The following PTPRT variants were observed in gnomAD, a reference collection of about 807,000 sequenced individuals.
PTPRT encodes the protein receptor-type tyrosine-protein phosphatase T.
Under a neutral mutation model 176.8 loss-of-function variants are expected in PTPRT, and 56 were observed. The ratio of observed to expected loss-of-function variants is 0.32; its 90% CI spans 0.26 to 0.40. The LOEUF is 0.40. Ranked by LOEUF, PTPRT falls within the 10% of genes least tolerant of loss-of-function variation. The pLI, the probability that PTPRT is intolerant of heterozygous loss-of-function variation, is 1.00. For missense variants in PTPRT, 1,540 were observed against 1,908.2 expected, an observed-to-expected ratio of 0.81 and a Z score of 3.60; for synonymous variants, 783 against 739.0, an observed-to-expected ratio of 1.06 and a Z score of -0.96.
chr20:42,429,338 C>T (rs948139897), intron 9 of PTPRT, among the ~76,000 whole-genome samples: 3 of 152,028 alleles, frequency 2.0e-5, no homozygotes, highest in African/African-American at 2.4e-5. Flanking sequence ...TTGAGAGAAT[C>T]GGGGCAGAGG....
At chr20:42,710,897 C>T (rs2076134793) in intron 6 of PTPRT, among the ~76,000 whole-genome samples, 2 of 152,224 alleles carry the variant, frequency 1.3e-5, no homozygotes, top group African/African-American at 4.8e-5. Context: ...GGGAGCCCAC[C>T]CCTTGCACCA....
At chr20:42,634,779 CT>C (rs1313932360) in intron 7 of PTPRT, among the ~76,000 whole-genome samples, 2 of 152,130 alleles carry the variant, frequency 1.3e-5, no homozygotes, top group Non-Finnish European at 2.9e-5. Context: ...TATGACCAGA[CT>C]GTAAATTCAC....
At chr20:43,008,030 T>C (rs1478104705) in intron 1 of PTPRT, among the ~76,000 whole-genome samples, 2 of 152,238 alleles carry the variant, frequency 1.3e-5, no homozygotes, top group African/African-American at 4.8e-5. Context: ...TGAGGCAGAA[T>C]GCTGCAGGAG....
intron 1 of PTPRT, among the ~76,000 whole-genome samples, chr20:42,909,757 G>C (rs1343705973): frequency 2.0e-5 from 3 of 152,120 alleles, no homozygotes; most frequent in African/African-American, 7.2e-5. Context: ...GCAGGAGATG[G>C]GCTGGGCCTT....
intron 1 of PTPRT, among the ~76,000 whole-genome samples, chr20:43,188,664 C>A (rs1488159499): frequency 6.8e-6 from 1 of 146,106 alleles, no homozygotes; most frequent in East Asian, 2.0e-4. Flanking sequence ...ACACCAAAAG[C>A]AATCGGTGCT....
At chr20:42,648,279 CA>C (rs1044253001) in intron 7 of PTPRT, among the ~76,000 whole-genome samples, 22 of 152,208 alleles carry the variant, frequency 1.4e-4, no homozygotes, top group African/African-American at 4.1e-4. Context: ...TCATTAACAG[CA>C]AAAAGGGCTG....
At chr20:42,796,958 T>A (rs1265162066) in intron 2 of PTPRT, among the ~76,000 whole-genome samples, 1 of 152,250 alleles carries the variant, frequency 6.6e-6, no homozygotes, top group Non-Finnish European at 1.5e-5. Context: ...TGGCCTCATG[T>A]AATCCATGAG....
chr20:43,050,023 G>A (rs988399039), intron 1 of PTPRT, among the ~76,000 whole-genome samples: 1 of 152,196 alleles, frequency 6.6e-6, no homozygotes. Context: ...GTGTTTTATG[G>A]TGCCCATTTC....
intron 1 of PTPRT, among the ~76,000 whole-genome samples, chr20:43,036,676 C>A (rs992306847): frequency 1.3e-5 from 2 of 152,074 alleles, no homozygotes; most frequent in African/African-American, 4.8e-5. Context: ...CAATCCCACT[C>A]AAAAACCTTA....
intron 16 of PTPRT, among the ~76,000 whole-genome samples, chr20:42,166,898 G>A (rs1269930907): frequency 6.6e-6 from 1 of 151,812 alleles, no homozygotes. Flanking sequence ...TCCAGCCAGG[G>A]GTGACAGAGC....
At chr20:42,549,277 G>A (rs1036055931) in intron 7 of PTPRT, among the ~76,000 whole-genome samples, 1 of 151,840 alleles carries the variant, frequency 6.6e-6, no homozygotes, top group Non-Finnish European at 1.5e-5. Context: ...TAATCTGGAT[G>A]GAAGTTAAAA....
chr20:42,832,791 T>A (rs1231426368), intron 2 of PTPRT, among the ~76,000 whole-genome samples: 20 of 98,504 alleles, frequency 2.0e-4, no homozygotes, highest in South Asian at 6.4e-4. Flanking sequence ...AGCCAACTAA[T>A]AGGATTTGTT....
intron 7 of PTPRT, among the ~76,000 whole-genome samples, chr20:42,487,690 G>A (rs2071487472): frequency 6.6e-6 from 1 of 152,114 alleles, no homozygotes; most frequent in African/African-American, 2.4e-5. Flanking sequence ...GAAAAGGCAA[G>A]AAACAGATTC....
intron 1 of PTPRT, among the ~76,000 whole-genome samples, chr20:42,978,277 T>G (rs896259609): frequency 6.6e-6 from 1 of 152,242 alleles, no homozygotes; most frequent in African/African-American, 2.4e-5. Flanking sequence ...AATGTGATCT[T>G]TCTCTTTATC....
chr20:42,325,693 C>T (rs1426842316), intron 11 of PTPRT, among the ~76,000 whole-genome samples: 2 of 152,180 alleles, frequency 1.3e-5, no homozygotes, highest in Non-Finnish European at 1.5e-5. Flanking sequence ...ATTCTCAAAA[C>T]AGTGGCTAGA....
intron 1 of PTPRT, among the ~76,000 whole-genome samples, chr20:43,019,211 T>C (rs1414415228): frequency 3.3e-5 from 5 of 152,168 alleles, no homozygotes; most frequent in African/African-American, 1.2e-4. Flanking sequence ...TTGACTGGAT[T>C]AAGGGATACT....
At chr20:42,809,823 C>T (rs1161827493) in intron 2 of PTPRT, among the ~76,000 whole-genome samples, 1 of 152,168 alleles carries the variant, frequency 6.6e-6, no homozygotes, top group African/African-American at 2.4e-5. Flanking sequence ...CTCTTGAGAT[C>T]CTTAACTCAA....
chr20:42,455,754 G>C (rs2070911403), intron 8 of PTPRT, among the ~76,000 whole-genome samples: 1 of 151,998 alleles, frequency 6.6e-6, no homozygotes, highest in Admixed American at 6.6e-5. Context: ...ATATGTATGG[G>C]TCTACTTCTA....
At chr20:42,470,314 C>T (rs966571061) in intron 8 of PTPRT, among the ~76,000 whole-genome samples, 1 of 152,210 alleles carries the variant, frequency 6.6e-6, no homozygotes, top group African/African-American at 2.4e-5. Flanking sequence ...TAACTTAGGA[C>T]ATCTGTGATG....
Sources: allele counts gnomAD v4.1 joint callset (sites outside exome capture counted in the v4.1 genomes callset), GRCh38; gene constraint gnomAD v4.1.1; transcripts MANE v1.5; gene names NCBI Gene and HGNC (gene_info 2026-07-23, HGNC 2026-07-21).